EFCAB7: variants seen among roughly 807,000 people sequenced by gnomAD.
The protein encoded by EFCAB7 is EF-hand calcium-binding domain-containing protein 7.
A neutral mutation model predicts 77.1 loss-of-function variants in EFCAB7; 66 were observed. The ratio of observed to expected loss-of-function variants is 0.86; its 90% CI spans 0.70 to 1.05. The LOEUF (loss-of-function observed/expected upper bound fraction) is 1.05. EFCAB7 is among the 50% of genes least tolerant of loss of function. The pLI is 0.00. For synonymous variants in EFCAB7, 225 were observed against 243.3 expected (o/e 0.92, Z 0.70); for missense variants, 638 against 730.5 (o/e 0.87, Z 1.46).
At chr1:63,544,808 C>A (rs368934290) in intron 6 of EFCAB7, among the ~76,000 whole-genome samples, 3 of 152,154 alleles carry the variant, frequency 2.0e-5, no homozygotes, top group African/African-American at 4.8e-5. Flanking sequence ...CAATATATTT[C>A]TTTTAGCAAT....
At position 63,551,791 on chromosome 1, in the gene EFCAB7, C is replaced by A; in HGVS notation, c.1013C>A (p.Ala338Glu). Residue 338 changes from alanine (A) to glutamate (E), a missense_variant, in exon 8 of 14, where the codon GCA (alanine) becomes GAA (glutamate). By Grantham distance (107) the Ala-to-Glu change is moderately radical. Coordinates refer to ENST00000371088, the MANE Select transcript of EFCAB7 (RefSeq NM_032437.4). Reference sequence around the variant, plus strand: ...ATTCTCAAGGAAAATGAGAGTCAAGCAAATCTACAGCTTGTGTGTTTTACC... The same window carrying A: ...ATTCTCAAGGAAAATGAGAGTCAAGAAAATCTACAGCTTGTGTGTTTTACC... ...LYILKENESQANLQLVCFTEL... is the reference protein window; with the variant it reads ...LYILKENESQENLQLVCFTEL... 1 of 1,594,968 alleles carries A rather than the reference C, an allele frequency of 6.3e-7. No individual in the cohort carries two copies. The highest frequency in any genetic ancestry group is 8.5e-7 in the Non-Finnish European group (1 of 1,170,454).
At chr1:63,565,991 A>G (rs771706453) in intron 11 of EFCAB7, among the ~76,000 whole-genome samples, 1 of 152,204 alleles carries the variant, frequency 6.6e-6, no homozygotes, top group East Asian at 1.9e-4. Flanking sequence ...CAGCAATCCT[A>G]TTACTGGATA....
intron 10 of EFCAB7, among the ~76,000 whole-genome samples, chr1:63,559,307 A>C (rs1647066698): frequency 6.6e-6 from 1 of 150,850 alleles, no homozygotes. Flanking sequence ...GTCTCAAAAA[A>C]AAAAAAAAAA....
rs1369800649 is a variant in EFCAB7 at position 63,572,505 on chromosome 1, C to A, written c.1879C>A (p.Leu627Ile). 1.3e-6 allele frequency: 2 copies of A among 1,485,542 alleles called. No individual in the cohort carries two copies. The highest frequency in any genetic ancestry group is 9.1e-7 in the Non-Finnish European group (1 of 1,099,774). The allele number at this position is 1,485,542 out of a possible 1,614,324, so 92.0% of individuals were successfully genotyped here. A position where few individuals can be genotyped will look rare whatever the true frequency, so the allele number is the denominator to read the frequency against. ...ATGGATATATTATTGTATATATTCT[C>A]TTATTTCTTAAATAATTATACTTAG... is the stretch of plus-strand genomic sequence containing the variant. ...QEWIYYCIYS[L>I]IS Residue 627 changes from leucine (L) to isoleucine (I), a missense_variant, in exon 14 of 14, where the codon CTT becomes ATT. Physicochemically the swap from Leu to Ile is conservative, Grantham distance 5. Transcript: ENST00000371088.
chr1:63,527,860 GT>G (rs1646622558), intron 2 of EFCAB7: 2 of 152,274 alleles, frequency 1.3e-5, no homozygotes, highest in South Asian at 4.1e-4. Flanking sequence ...GCTACCACTT[GT>G]GAGAAAAAGT....
intron 6 of EFCAB7, among the ~76,000 whole-genome samples, chr1:63,535,628 ATAGGGAGTAATTATAT>A (rs1250314482): frequency 1.3e-5 from 2 of 152,076 alleles, no homozygotes; most frequent in Admixed American, 6.6e-5. Flanking sequence ...TTACCTATAA[ATAGGGAGTAATTATAT>A]TTAGTGTGCT....
chr1:63,545,846 C>A (rs967541408), intron 6 of EFCAB7, 70 bp from the exon 7 acceptor site: 1 of 1,299,992 alleles, frequency 7.7e-7, no homozygotes, highest in Non-Finnish European at 1.1e-6. Flanking sequence ...CCTGTGTTTT[C>A]TCCTCATTAC....
intron 8 of EFCAB7, among the ~76,000 whole-genome samples, chr1:63,554,539 C>T (rs1051311549): frequency 2.4e-4 from 36 of 152,032 alleles, no homozygotes; most frequent in African/African-American, 8.7e-4. Context: ...GGGGTTTCAC[C>T]AAGTTTACCA....
chr1:63,583,938 CAAAA>C, the EFCAB7 span, among the ~76,000 whole-genome samples: 6 of 82,654 alleles, frequency 7.3e-5, no homozygotes, highest in South Asian at 1.8e-3. Context: ...TGGATATGGC[CAAAA>C]AAAAAAAAAA....
At chr1:63,565,522 A>G (rs908357682) in intron 11 of EFCAB7, among the ~76,000 whole-genome samples, 25 of 152,208 alleles carry the variant, frequency 1.6e-4, no homozygotes, top group African/African-American at 5.8e-4. Flanking sequence ...AACAAAAGCA[A>G]AAATTGATAA....
downstream of EFCAB7, among the ~76,000 whole-genome samples, chr1:63,577,380 A>G (rs944345933): frequency 2.0e-5 from 3 of 152,210 alleles, no homozygotes; most frequent in Non-Finnish European, 1.5e-5. Context: ...ATTCAAGGCC[A>G]GCTTAAGTTC....
At chr1:63,573,223 G>A (rs1647319710), downstream of EFCAB7, among the ~76,000 whole-genome samples, 1 of 152,124 alleles carries the variant, frequency 6.6e-6, no homozygotes, top group Admixed American at 6.6e-5. Context: ...GGGCTGCTTC[G>A]AGTGGGATTA....
At chr1:63,563,121 C>A (rs371615100) in intron 11 of EFCAB7, among the ~76,000 whole-genome samples, 42 of 152,218 alleles carry the variant, frequency 2.8e-4, no homozygotes, top group African/African-American at 9.9e-4. Context: ...GATTGTGCTA[C>A]CCATGTTGTT....
At chr1:63,579,594 A>G in the EFCAB7 span, among the ~76,000 whole-genome samples, 2 of 152,182 alleles carry the variant, frequency 1.3e-5, no homozygotes, top group Non-Finnish European at 2.9e-5. Context: ...TATGGTAAAT[A>G]TATGTTTGAC....
In EFCAB7 at chr1:63,557,231, T is replaced by A. The variant is rs768240301; in HGVS notation, c.1332T>A (p.Ala444=). 1 of 1,608,114 alleles carries A rather than the reference T, an allele frequency of 6.2e-7. No homozygotes were observed. The stretch of plus-strand genomic sequence containing the variant: ...GTGGTGAGAAATGTGATGAAGATGC[T>A]TGGGCTGTCTGCAGAGGTAAGCACT... The part of the protein sequence containing the change: ...RTSGEKCDED[A]WAVCRENFDT... Residue 444 remains alanine (A), a synonymous_variant, in exon 10 of 14, where the codon GCT becomes GCA. Transcript: ENST00000371088.
chr1:63,567,685 G>A (rs1647185892), intron 11 of EFCAB7, among the ~76,000 whole-genome samples: 1 of 152,100 alleles, frequency 6.6e-6, no homozygotes, highest in African/African-American at 2.4e-5. Flanking sequence ...TTTGCTCTAG[G>A]ATCTGAAAGA....
chr1:63,525,786 T>C, intron 2 of EFCAB7, 27 bp downstream of exon 2: 1 of 1,464,804 alleles, frequency 6.8e-7, no homozygotes, highest in African/African-American at 1.5e-5. Flanking sequence ...TTTAAATCTT[T>C]CACCTTTTTG....
chr1:63,568,689 T>G, intron 12 of EFCAB7, 170 bp downstream of exon 12: 1 of 490,244 alleles, frequency 2.0e-6, no homozygotes, highest in Non-Finnish European at 3.4e-6. Context: ...CTGGGAGTGG[T>G]AATTTTTATA....
rs984698270 is a variant in EFCAB7 at position 63,570,929 on chromosome 1, TAAAAC to T, written c.1708-90_1708-86del. ...GAATTTGTAGTGCACTATATGATGT[TAAAAC>T]AGAATTTCAGGGTTTATTCTGAGGC... On this transcript the variant is annotated intron_variant, in intron 12 of 13. Coordinates refer to ENST00000371088, the MANE Select transcript of EFCAB7 (RefSeq NM_032437.4). 10 of 867,590 alleles carry T rather than the reference TAAAAC, an allele frequency of 1.2e-5. No individual in the cohort carries two copies. The Admixed American group carries it at 1.2e-4, about 11-fold the overall frequency. 53.7% of individuals were successfully genotyped at this position (867,590 alleles called of 1,614,324 possible).
Sources: allele counts gnomAD v4.1 joint callset (sites outside exome capture counted in the v4.1 genomes callset), GRCh38; gene constraint gnomAD v4.1.1; transcripts MANE v1.5; gene names NCBI Gene and HGNC (gene_info 2026-07-23, HGNC 2026-07-21).